ZNF385D: variants seen among roughly 807,000 people sequenced by gnomAD.
ZNF385D encodes zinc finger protein 385D.
In ZNF385D, 15 loss-of-function variants were observed where a neutral mutation model predicts 35.8. The observed-to-expected ratio is 0.42, with a 90% CI of 0.28 to 0.64. ZNF385D has a LOEUF of 0.64. ZNF385D is among the 30% of genes least tolerant of loss of function. The probability of loss-of-function intolerance (pLI) is 0.23; values close to 1 mark genes in which losing one functional copy is unlikely to be tolerated. For synonymous variants in ZNF385D, 212 were observed against 186.8 expected (o/e 1.13, Z -1.10); for missense variants, 474 against 494.6 (o/e 0.96, Z 0.39).
intron 3 of ZNF385D, among the ~76,000 whole-genome samples, chr3:22,063,764 G>A (rs955405609): frequency 6.6e-6 from 1 of 152,088 alleles, no homozygotes; most frequent in Admixed American, 6.6e-5. Flanking sequence ...CTTCCCCTGG[G>A]CAGCCTGTAT....
intron 3 of ZNF385D, among the ~76,000 whole-genome samples, chr3:22,098,783 A>T (rs546275321): frequency 3.3e-5 from 5 of 152,206 alleles, no homozygotes; most frequent in South Asian, 4.1e-4. Flanking sequence ...TTTTTAAAGT[A>T]GCAAATAAAT....
At chr3:21,858,063 G>C (rs1264589581) in intron 3 of ZNF385D, among the ~76,000 whole-genome samples, 2 of 151,304 alleles carry the variant, frequency 1.3e-5, no homozygotes, top group Non-Finnish European at 2.9e-5. Context: ...TCGGGAGGCT[G>C]AGGTAGGAGA....
At chr3:21,527,898 G>A (rs918640743) in intron 3 of ZNF385D, among the ~76,000 whole-genome samples, 2 of 152,056 alleles carry the variant, frequency 1.3e-5, no homozygotes, top group African/African-American at 4.8e-5. Context: ...TCCTAATAAT[G>A]GCTTCCAAAA....
intron 3 of ZNF385D, among the ~76,000 whole-genome samples, chr3:21,830,113 C>T (rs560537415): frequency 4.0e-4 from 57 of 142,716 alleles, no homozygotes; most frequent in African/African-American, 1.4e-3. Flanking sequence ...GACAGAGTGA[C>T]ACTCTGTCAA....
chr3:21,809,661 T>C (rs6770987), intron 3 of ZNF385D, among the ~76,000 whole-genome samples: 5 of 148,160 alleles, frequency 3.4e-5, no homozygotes, highest in African/African-American at 1.3e-4. Flanking sequence ...CATATACATA[T>C]ATACACATAT....
At chr3:21,971,765 G>A (rs1302855012) in intron 3 of ZNF385D, among the ~76,000 whole-genome samples, 4 of 151,512 alleles carry the variant, frequency 2.6e-5, no homozygotes, top group Admixed American at 6.6e-5. Flanking sequence ...ATAAAGGGAT[G>A]AAAAAAGATA....
intron 2 of ZNF385D, among the ~76,000 whole-genome samples, chr3:22,349,748 T>C (rs186794355): frequency 8.7e-4 from 128 of 146,506 alleles, no homozygotes; most frequent in African/African-American, 3.1e-3. Flanking sequence ...CAGTGCAATA[T>C]TTATGGTCTG....
chr3:21,460,718 T>A (rs1703116561), intron 4 of ZNF385D, among the ~76,000 whole-genome samples: 1 of 152,162 alleles, frequency 6.6e-6, no homozygotes, highest in South Asian at 2.1e-4. Context: ...ACAATGAAGT[T>A]ACTTATTACA....
intron 2 of ZNF385D, among the ~76,000 whole-genome samples, chr3:22,329,445 C>G (rs1245350005): frequency 6.6e-6 from 1 of 152,112 alleles, no homozygotes; most frequent in Non-Finnish European, 1.5e-5. Context: ...AAATTGTTCT[C>G]TTTATACCTG....
At chr3:21,529,198 A>T (rs2061860803) in intron 3 of ZNF385D, among the ~76,000 whole-genome samples, 1 of 152,170 alleles carries the variant, frequency 6.6e-6, no homozygotes, top group Non-Finnish European at 1.5e-5. Flanking sequence ...TAGAGATAGA[A>T]TATGACTGTG....
chr3:21,821,385 C>T (rs1233647269), intron 3 of ZNF385D, among the ~76,000 whole-genome samples: 2 of 152,070 alleles, frequency 1.3e-5, no homozygotes, highest in Non-Finnish European at 2.9e-5. Context: ...TTTTTAAAGG[C>T]TTTTATGATA....
chr3:21,815,950 G>A (rs907007317), intron 3 of ZNF385D, among the ~76,000 whole-genome samples: 3 of 152,122 alleles, frequency 2.0e-5, no homozygotes, highest in Non-Finnish European at 2.9e-5. Context: ...CTGGCAAACC[G>A]AATCCAGTAG....
At chr3:21,704,011 T>C (rs1047815121) in intron 1 of ZNF385D, among the ~76,000 whole-genome samples, 1 of 152,206 alleles carries the variant, frequency 6.6e-6, no homozygotes, top group African/African-American at 2.4e-5. Context: ...CCTGTTTATG[T>C]CTTTTACCAA....
chr3:22,303,305 C>A (rs994170991), intron 2 of ZNF385D, among the ~76,000 whole-genome samples: 9 of 152,138 alleles, frequency 5.9e-5, no homozygotes, highest in Non-Finnish European at 1.3e-4. Flanking sequence ...CCATCTTGCA[C>A]ATAGGCTGGG....
chr3:21,540,105 G>T (rs1012873976), intron 3 of ZNF385D, among the ~76,000 whole-genome samples: 4 of 152,106 alleles, frequency 2.6e-5, no homozygotes, highest in African/African-American at 9.7e-5. Context: ...AATATTCATC[G>T]AAGTATAATT....
At chr3:22,180,295 T>C (rs1169291729) in intron 2 of ZNF385D, among the ~76,000 whole-genome samples, 1 of 152,168 alleles carries the variant, frequency 6.6e-6, no homozygotes, top group Admixed American at 6.5e-5. Flanking sequence ...CAATAATTAA[T>C]AGCTTACTAA....
chr3:22,305,184 C>A (rs1189811373), intron 2 of ZNF385D, among the ~76,000 whole-genome samples: 1 of 152,020 alleles, frequency 6.6e-6, no homozygotes, highest in African/African-American at 2.4e-5. Flanking sequence ...TTATTGAGAA[C>A]AAAAGCAGAT....
At chr3:21,713,004 C>T (rs998753970) in intron 1 of ZNF385D, among the ~76,000 whole-genome samples, 4 of 152,192 alleles carry the variant, frequency 2.6e-5, no homozygotes, top group African/African-American at 9.7e-5. Context: ...ACATAAGAAT[C>T]ACTCTTCGGT....
chr3:22,254,714 T>C lies in ZNF385D; in HGVS notation c.107-85679A>G, dbSNP rs923958532. The stretch of plus-strand genomic sequence containing the variant: ...ACAGGAAGGGATTAACAACAACTAA[T>C]AGAAAAATTATAATATGCCAGCATT... On this transcript the variant is annotated intron_variant, in intron 2 of 5. Transcript: ENST00000494108. 3.3e-5 allele frequency among the ~76,000 whole-genome samples: 5 copies of C among 151,884 alleles called. No individual in the cohort carries two copies. In the Admixed American group the frequency reaches 3.3e-4, roughly 10 times the overall value.
Sources: allele counts gnomAD v4.1 joint callset (sites outside exome capture counted in the v4.1 genomes callset), GRCh38; gene constraint gnomAD v4.1.1; transcripts MANE v1.5; gene names NCBI Gene and HGNC (gene_info 2026-07-23, HGNC 2026-07-21).